Variants in FRMD4A observed in about 807,000 individuals in gnomAD.
FRMD4A encodes the protein FERM domain containing 4A.
A neutral mutation model predicts 129.1 loss-of-function variants in FRMD4A; 29 were observed. That is an observed-to-expected ratio of 0.22 (90% CI 0.17 to 0.31). The LOEUF is 0.31. FRMD4A is among the 10% of genes least tolerant of loss of function. The pLI is 1.00. For synonymous variants in FRMD4A, 634 were observed against 571.6 expected (o/e 1.11, Z -1.56); for missense variants, 1,272 against 1,375.8 (o/e 0.92, Z 1.19).
At chr10:14,008,963 C>T (rs569955373) in intron 2 of FRMD4A, among the ~76,000 whole-genome samples, 70 of 152,248 alleles carry the variant, frequency 4.6e-4, no homozygotes, top group East Asian at 2.1e-3. Context: ...CAAATCAAAT[C>T]GAACAGGCTT....
intron 2 of FRMD4A, among the ~76,000 whole-genome samples, chr10:14,090,463 G>A (rs1422924751): frequency 1.3e-5 from 2 of 152,178 alleles, no homozygotes; most frequent in Non-Finnish European, 2.9e-5. Flanking sequence ...CCAGCCCGTG[G>A]GCATCATGGA....
chr10:14,092,789 T>C (rs1333142946), intron 2 of FRMD4A, among the ~76,000 whole-genome samples: 1 of 152,128 alleles, frequency 6.6e-6, no homozygotes, highest in Non-Finnish European at 1.5e-5. Flanking sequence ...GGGACCAGGC[T>C]GGGATATAAA....
At chr10:13,836,666 G>T (rs2093878868) in intron 3 of FRMD4A, among the ~76,000 whole-genome samples, 1 of 151,854 alleles carries the variant, frequency 6.6e-6, no homozygotes, top group Non-Finnish European at 1.5e-5. Context: ...AAATGAGTTT[G>T]TGGCCCAGGA....
intron 2 of FRMD4A, among the ~76,000 whole-genome samples, chr10:14,092,386 C>G (rs1836710768): frequency 6.6e-6 from 1 of 152,226 alleles, no homozygotes; most frequent in Admixed American, 6.5e-5. Context: ...ATAGCCAGGA[C>G]AGTTGGTTGC....
intron 12 of FRMD4A, among the ~76,000 whole-genome samples, chr10:13,713,658 C>G (rs904305487): frequency 3.3e-5 from 5 of 151,306 alleles, no homozygotes; most frequent in Non-Finnish European, 5.9e-5. Context: ...TGAGAGCACC[C>G]AGAAAGCTCC....
At chr10:14,164,445 A>G (rs1841067373) in intron 2 of FRMD4A, among the ~76,000 whole-genome samples, 1 of 152,188 alleles carries the variant, frequency 6.6e-6, no homozygotes, top group Non-Finnish European at 1.5e-5. Context: ...TGTCTACAGT[A>G]AGGCTATTCA....
At chr10:14,148,060 G>A (rs990812275) in intron 2 of FRMD4A, among the ~76,000 whole-genome samples, 20 of 152,052 alleles carry the variant, frequency 1.3e-4, no homozygotes, top group African/African-American at 4.1e-4. Flanking sequence ...AATATTGGCC[G>A]TTCTCATTCC....
At chr10:13,812,155 A>G (rs1588860845) in intron 3 of FRMD4A, among the ~76,000 whole-genome samples, 1 of 152,206 alleles carries the variant, frequency 6.6e-6, no homozygotes, top group Admixed American at 6.5e-5. Flanking sequence ...TTGGGATTAC[A>G]GGCATGAGCC....
chr10:13,709,259 C>G (rs867968820), intron 12 of FRMD4A, among the ~76,000 whole-genome samples: 2 of 152,208 alleles, frequency 1.3e-5, no homozygotes, highest in Middle Eastern at 3.2e-3. Context: ...CCACCGCACC[C>G]AACTCAGGCT....
At chr10:13,960,678 C>T (rs1341310258) in intron 2 of FRMD4A, among the ~76,000 whole-genome samples, 4 of 152,184 alleles carry the variant, frequency 2.6e-5, no homozygotes, top group African/African-American at 9.7e-5. Context: ...CCATGCTAAG[C>T]TGACTGTCTG....
intron 2 of FRMD4A, among the ~76,000 whole-genome samples, chr10:14,233,342 G>A (rs1338534746): frequency 6.6e-6 from 1 of 152,168 alleles, no homozygotes; most frequent in East Asian, 1.9e-4. Context: ...GGCCGAGGAG[G>A]GCAGATCACC....
At chr10:13,790,641 A>T (rs946181986) in intron 5 of FRMD4A, among the ~76,000 whole-genome samples, 1 of 152,030 alleles carries the variant, frequency 6.6e-6, no homozygotes, top group South Asian at 2.1e-4. Flanking sequence ...CAGAAGCCAC[A>T]TGGGAGCAGG....
At chr10:13,739,600 A>G (rs927736893) in intron 11 of FRMD4A, among the ~76,000 whole-genome samples, 3 of 152,248 alleles carry the variant, frequency 2.0e-5, no homozygotes, top group African/African-American at 7.2e-5. Context: ...TAAAGAGCAC[A>G]GTTTTGAAGT....
At chr10:14,303,816 A>G (rs75618089) in intron 2 of FRMD4A, among the ~76,000 whole-genome samples, 4,630 of 152,078 alleles carry the variant, frequency 0.03, 130 homozygotes, top group Middle Eastern at 0.034. Context: ...TCTATGGTTT[A>G]TTATTATCAT....
intron 2 of FRMD4A, among the ~76,000 whole-genome samples, chr10:14,165,165 T>TA (rs993365381): frequency 6.6e-6 from 1 of 151,726 alleles, no homozygotes; most frequent in Non-Finnish European, 1.5e-5. Context: ...AATAAGGAAA[T>TA]AAAAACAAAA....
intron 2 of FRMD4A, among the ~76,000 whole-genome samples, chr10:14,096,836 A>G (rs1836989246): frequency 6.6e-6 from 1 of 152,134 alleles, no homozygotes; most frequent in South Asian, 2.1e-4. Flanking sequence ...TTCATTCACT[A>G]AAGAACAAAA....
intron 1 of FRMD4A, 116 bp from the exon 2 acceptor site, chr10:14,330,299 T>C: frequency 1.9e-6 from 1 of 515,756 alleles, no homozygotes; most frequent in Middle Eastern, 3.0e-4. Context: ...GGAACTGTGC[T>C]TAGGGAGGAA....
chr10:14,203,716 C>T (rs191642145), intron 2 of FRMD4A, among the ~76,000 whole-genome samples: 1 of 152,330 alleles, frequency 6.6e-6, no homozygotes, highest in African/African-American at 2.4e-5. Context: ...GCAATTTCCC[C>T]TTTCTCCCAT....
chr10:13,968,839 A>AT lies in FRMD4A; in HGVS notation c.46-109928dup, dbSNP rs71388145. On this transcript the variant is annotated intron_variant, in intron 2 of 24. Coordinates refer to ENST00000357447, the MANE Select transcript of FRMD4A (RefSeq NM_018027.5). ...AGCAAAGGCTAGGAGTGACTAACAGATTTTTTTTTTGAGGGGGGAGTGAAG... is the reference window on the plus strand; with the variant it reads ...AGCAAAGGCTAGGAGTGACTAACAGATTTTTTTTTTTGAGGGGGGAGTGAAG... 5.5e-4 allele frequency among the ~76,000 whole-genome samples: 83 copies of AT among 151,546 alleles called. No individual in the cohort carries two copies. The East Asian group carries it at 7.0e-3, about 13-fold the overall frequency.
Sources: allele counts gnomAD v4.1 joint callset (sites outside exome capture counted in the v4.1 genomes callset), GRCh38; gene constraint gnomAD v4.1.1; transcripts MANE v1.5; gene names NCBI Gene and HGNC (gene_info 2026-07-23, HGNC 2026-07-21).